Variants in TTC39A observed in about 807,000 individuals in gnomAD.
TTC39A encodes tetratricopeptide repeat domain 39A.
In TTC39A, 46 loss-of-function variants were observed where a neutral mutation model predicts 82.3. That is an observed-to-expected ratio of 0.56 (90% confidence interval 0.44 to 0.71). The LOEUF is 0.71. Ranked by LOEUF, TTC39A falls within the 30% of genes least tolerant of loss-of-function variation. The pLI is 0.00. For missense variants in TTC39A, 543 were observed against 712.9 expected (o/e 0.76, Z 2.71); for synonymous variants, 254 against 275.2 (o/e 0.92, Z 0.76).
intron 7 of TTC39A, 43 bp downstream of exon 7, chr1:51,305,934 G>A: frequency 4.4e-6 from 7 of 1,589,406 alleles, no homozygotes; most frequent in Non-Finnish European, 6.0e-6. Context: ...AGGGGAGACT[G>A]AGCTCAAGCC....
chr1:51,339,427 C>T (rs113582309), intron 1 of TTC39A, among the ~76,000 whole-genome samples: 3,106 of 152,246 alleles, frequency 0.02, 55 homozygotes, highest in Non-Finnish European at 0.031. Context: ...CCGATCTTAG[C>T]ATAAGAAAGG....
intron 1 of TTC39A, among the ~76,000 whole-genome samples, chr1:51,342,730 A>G (rs2148324536): frequency 6.6e-6 from 1 of 152,306 alleles, no homozygotes; most frequent in East Asian, 1.9e-4. Flanking sequence ...GTGCCCAGCA[A>G]GTTCCAGCTG....
At chr1:51,303,294 G>T in intron 8 of TTC39A, 102 bp from the exon 9 acceptor site, 1 of 1,008,514 alleles carries the variant, frequency 9.9e-7, no homozygotes, top group Non-Finnish European at 1.5e-6. Context: ...GGGCGGAAGA[G>T]CACTGGAACC....
In TTC39A at chr1:51,296,083, A is replaced by G; in HGVS notation, c.1141T>C (p.Phe381Leu). Residue 381 changes from phenylalanine to leucine, a missense_variant, in exon 13 of 18, where the codon TTT (phenylalanine) becomes CTT (leucine). Phe to Leu is a conservative substitution (Grantham distance 22, BLOSUM62 0). Coordinates refer to ENST00000680483, the MANE Select transcript of TTC39A (RefSeq NM_001297663.2). ...KPFGDDEVEL[F>L]RAVPGLKLKI... ...GGAGCACGATGTGGGACCCACCGAA[A>G]TAATTCCACTTCGTCGTCCCCGAAC... The G allele has an allele frequency of 6.3e-7, 1 of 1,583,734 alleles. No individual in the cohort carries two copies. The highest frequency in any genetic ancestry group is 8.6e-7 in the Non-Finnish European group (1 of 1,164,554).
At chr1:51,332,254 T>A (rs960659840), upstream of TTC39A, among the ~76,000 whole-genome samples, 18 of 152,228 alleles carry the variant, frequency 1.2e-4, no homozygotes, top group African/African-American at 4.1e-4. Flanking sequence ...AAGCTTTTTT[T>A]ATTTTCTCTT....
chr1:51,327,064 C>T (rs1043180691), intron 1 of TTC39A, among the ~76,000 whole-genome samples: 1 of 152,236 alleles, frequency 6.6e-6, no homozygotes, highest in Non-Finnish European at 1.5e-5. Flanking sequence ...GCCGCCCCCA[C>T]TCTCCCCTTC....
At position 51,323,852 on chromosome 1, in the gene TTC39A, T is replaced by C. The variant is rs372839153; in HGVS notation, c.42-2027A>G. On this transcript the variant is annotated intron_variant, in intron 1 of 17. Coordinates refer to ENST00000680483, the MANE Select transcript of TTC39A (RefSeq NM_001297663.2). Reference sequence around the variant, plus strand: ...TCTATATCTCATAATTCTAGCATTTTAGACTCTCAGGGAAACTAATTCTGC... The same window carrying C: ...TCTATATCTCATAATTCTAGCATTTCAGACTCTCAGGGAAACTAATTCTGC... Among the ~76,000 whole-genome samples the C allele has an allele frequency of 5.3e-5, 8 of 152,340 alleles. No homozygotes were observed. In the East Asian group the frequency reaches 1.4e-3, roughly 26 times the overall value.
At chr1:51,320,644 T>C (rs963339735) in intron 2 of TTC39A, among the ~76,000 whole-genome samples, 4 of 150,082 alleles carry the variant, frequency 2.7e-5, no homozygotes, top group Middle Eastern at 3.3e-3. Flanking sequence ...TTTGTAGATA[T>C]GGAGTTTCAC....
upstream of TTC39A, among the ~76,000 whole-genome samples, chr1:51,335,637 A>G (rs150361563): frequency 4.5e-4 from 69 of 152,032 alleles, no homozygotes; most frequent in African/African-American, 1.5e-3. Context: ...GAAAGTTTGT[A>G]ATAGCATTAC....
rs1459712843 is a variant in TTC39A, at chr1:51,288,861, T to C, written c.1588A>G (p.Ile530Val). 3 of 1,610,074 alleles carry C rather than the reference T, an allele frequency of 1.9e-6. No individual in the cohort carries two copies. The South Asian group carries it at 3.3e-5, about 18-fold the overall frequency. Reference sequence around the variant, plus strand: ...TACTTGGCAGATTCCAAAAGTTTGATGGCCTCTTCGTTTCTGTCTTGCTCC... The same window carrying C: ...TACTTGGCAGATTCCAAAAGTTTGACGGCCTCTTCGTTTCTGTCTTGCTCC... Reference protein sequence around the residue: ...LMEQDRNEEAIKLLESAKQNY... With the variant: ...LMEQDRNEEAVKLLESAKQNY... Residue 530 changes from isoleucine (I) to valine (V), a missense_variant, in exon 17 of 18, where the codon ATC becomes GTC. Physicochemically the swap from Ile to Val is conservative, Grantham distance 29 (BLOSUM62 3). Transcript: ENST00000680483. The surrounding 1 kb of genome is among the most constrained non-coding windows in gnomAD (Gnocchi z 4.8).
intron 3 of TTC39A, 84 bp downstream of exon 3, chr1:51,312,728 G>C (rs971886592): frequency 1.3e-6 from 2 of 1,547,500 alleles, no homozygotes; most frequent in African/African-American, 2.7e-5. Flanking sequence ...AGTGCGAATA[G>C]TGGCATGTTA....
intron 1 of TTC39A, among the ~76,000 whole-genome samples, chr1:51,324,509 G>A (rs745339792): frequency 1.3e-5 from 2 of 152,082 alleles, no homozygotes; most frequent in Admixed American, 6.6e-5. Flanking sequence ...GTTCAGGAAT[G>A]TACTGAATTA....
chr1:51,332,553 C>T (rs117654514), upstream of TTC39A, among the ~76,000 whole-genome samples: 43 of 152,334 alleles, frequency 2.8e-4, no homozygotes, highest in East Asian at 6.2e-3. Context: ...CCACCGCGCC[C>T]GGCCTGAAAC....
intron 1 of TTC39A, among the ~76,000 whole-genome samples, chr1:51,328,492 A>G (rs1180484171): frequency 6.6e-6 from 1 of 152,160 alleles, no homozygotes. Flanking sequence ...ATGCTATAGG[A>G]CTCCATTCAC....
chr1:51,289,593 C>T (rs1444076316), intron 16 of TTC39A, among the ~76,000 whole-genome samples: 1 of 152,208 alleles, frequency 6.6e-6, no homozygotes, highest in African/African-American at 2.4e-5. Flanking sequence ...CCTGGTATCT[C>T]CCATTAAGTT....
At position 51,293,537 on chromosome 1, in the gene TTC39A, T is replaced by C. The variant is rs534138363; in HGVS notation, c.1266+854A>G. On this transcript the variant is annotated intron_variant, in intron 14 of 17. Coordinates refer to ENST00000680483, the MANE Select transcript of TTC39A (RefSeq NM_001297663.2). ...AAAATGGGAAAGGAATCTATTATTA[T>C]ACCCATTTTACATAAGGGGAAGAGG... Among the ~76,000 whole-genome samples, 4 of 152,338 alleles carry C rather than the reference T, an allele frequency of 2.6e-5. No individual in the cohort carries two copies. In the East Asian group the frequency reaches 7.7e-4, roughly 29 times the overall value.
chr1:51,301,569 C>A lies in TTC39A; in HGVS notation c.1053+3G>T. Reference sequence around the variant, plus strand: ...ATGCCCCTAACACGTGGCATCAGCCCACCTTGGACCAGCAGTTCTCCTTGC... The same window carrying A: ...ATGCCCCTAACACGTGGCATCAGCCAACCTTGGACCAGCAGTTCTCCTTGC... On this transcript the variant is annotated splice_donor_region_variant and intron_variant, in intron 12 of 17. Coordinates refer to ENST00000680483, the MANE Select transcript of TTC39A (RefSeq NM_001297663.2). The A allele has an allele frequency of 6.2e-7, 1 of 1,600,930 alleles. No individual in the cohort carries two copies. Among genetic ancestry groups the A allele is most frequent in the Non-Finnish European group, 8.5e-7 (1 of 1,172,118 alleles).
rs1386270306 is a variant in TTC39A at position 51,288,755 on chromosome 1, C to T, written c.1610+84G>A. 1.5e-6 allele frequency: 2 copies of T among 1,328,802 alleles called. No individual in the cohort carries two copies. The highest frequency in any genetic ancestry group is 1.5e-5 in the African/African-American group (1 of 68,512). The allele number at this position is 1,328,802 out of a possible 1,614,324, so 82.3% of individuals were successfully genotyped here. On this transcript the variant is annotated intron_variant, in intron 17 of 17. Transcript: ENST00000680483. The surrounding 1 kb of genome is among the most constrained non-coding windows in gnomAD (Gnocchi z 4.8). ...GCCTTGCTAGCAACTCCACTCACTG[C>T]TCTCTGGGCAACTCTGTCCCCAGCC...
chr1:51,321,907 C>A lies in TTC39A; in HGVS notation c.42-82G>T. On this transcript the variant is annotated intron_variant, in intron 1 of 17. Coordinates refer to ENST00000680483, the MANE Select transcript of TTC39A (RefSeq NM_001297663.2). The surrounding 1 kb of genome is among the most constrained non-coding windows in gnomAD (Gnocchi z 4.6). ...TGGCTGGAACAGAGCCTCACAGGGT[C>A]TACTCAGCCTCCCTGGCCAGCCTTG... is the stretch of plus-strand genomic sequence containing the variant. The A allele has an allele frequency of 7.0e-7, 1 of 1,426,324 alleles. No individual in the cohort carries two copies. The highest frequency in any genetic ancestry group is 1.2e-5 in the South Asian group (1 of 80,600). 88.4% of individuals were successfully genotyped at this position (1,426,324 alleles called of 1,614,324 possible).
Sources: gnomAD v4.1 joint callset for allele counts (sites outside exome capture counted in the v4.1 genomes callset) on GRCh38, gnomAD v4.1.1 for gene constraint, Gnocchi (gnomAD v3.1) non-coding constraint, MANE v1.5 for transcripts, NCBI Gene and HGNC (gene_info 2026-07-23, HGNC 2026-07-21) for gene names.